Variants in TSHZ2 observed in about 807,000 individuals in gnomAD.
TSHZ2 encodes teashirt homolog 2.
In TSHZ2, 21 loss-of-function variants were observed where a neutral mutation model predicts 74.4. The observed-to-expected ratio is 0.28, with a 90% CI of 0.20 to 0.41. The LOEUF (loss-of-function observed/expected upper bound fraction) is 0.41, where lower values mean the gene tolerates loss of function less well. Ranked by LOEUF, TSHZ2 falls within the 10% of genes least tolerant of loss-of-function variation. The pLI, the probability that TSHZ2 is intolerant of heterozygous loss-of-function variation, is 1.00. For missense variants in TSHZ2, 1,244 were observed against 1,293.5 expected, an observed-to-expected ratio of 0.96 and a Z score of 0.59; for synonymous variants, 540 against 515.3, an observed-to-expected ratio of 1.05 and a Z score of -0.65.
At chr20:53,035,509 A>C (rs563604528) in intron 1 of TSHZ2, among the ~76,000 whole-genome samples, 2 of 152,378 alleles carry the variant, frequency 1.3e-5, no homozygotes, top group African/African-American at 4.8e-5. Flanking sequence ...AGTACACACC[A>C]GATGCAAGAT....
chr20:53,486,958 T>A (rs1986304274), intron 2 of TSHZ2, among the ~76,000 whole-genome samples, 186 bp from the exon 3 acceptor site: 1 of 152,170 alleles, frequency 6.6e-6, no homozygotes, highest in Non-Finnish European at 1.5e-5. Flanking sequence ...TTTAAATAGT[T>A]TTTTTCTCAA....
intron 2 of TSHZ2, among the ~76,000 whole-genome samples, chr20:53,458,796 A>AT (rs1985222164): frequency 6.6e-6 from 1 of 151,832 alleles, no homozygotes. Flanking sequence ...GAACATCTTC[A>AT]TTTCTGCCTT....
chr20:53,461,262 C>T (rs928701153), intron 2 of TSHZ2, among the ~76,000 whole-genome samples: 6 of 152,276 alleles, frequency 3.9e-5, no homozygotes, highest in East Asian at 1.9e-4. Context: ...TTTTTAAGCC[C>T]GTCAGAAAAG....
chr20:53,292,974 A>G lies in TSHZ2; in HGVS notation c.*8+36403A>G, dbSNP rs149787501. Among the ~76,000 whole-genome samples the G allele has an allele frequency of 4.7e-3, 717 of 152,354 alleles. 5 individuals are homozygous for G. The highest frequency in any genetic ancestry group is 8.7e-3 in the Non-Finnish European group (591 of 68,032). On this transcript the variant is annotated intron_variant, in intron 2 of 2. Coordinates refer to ENST00000371497, the MANE Select transcript of TSHZ2 (RefSeq NM_173485.6). ...ATATGGAATAATCAGAGAAGACTCA[A>G]TCTCATCATTGGTCCATTCACAGTC...
At chr20:52,995,874 G>T (rs144453571) in intron 1 of TSHZ2, among the ~76,000 whole-genome samples, 91 of 151,770 alleles carry the variant, frequency 6.0e-4, no homozygotes, top group Non-Finnish European at 1.1e-3. Context: ...CACCCACCTC[G>T]GCCTCCCAAA....
chr20:53,449,665 T>G (rs575905700), intron 2 of TSHZ2, among the ~76,000 whole-genome samples: 2 of 152,202 alleles, frequency 1.3e-5, no homozygotes, highest in Non-Finnish European at 1.5e-5. Flanking sequence ...GACTACCTGT[T>G]CCATCTTCAC....
chr20:53,458,575 T>C (rs1357150210), intron 2 of TSHZ2, among the ~76,000 whole-genome samples: 3 of 152,330 alleles, frequency 2.0e-5, no homozygotes, highest in East Asian at 1.9e-4. Flanking sequence ...AGTTCTGCTC[T>C]GATTTTAGTT....
intron 1 of TSHZ2, among the ~76,000 whole-genome samples, chr20:53,032,708 G>C (rs940324266): frequency 1.3e-5 from 2 of 152,022 alleles, no homozygotes; most frequent in Non-Finnish European, 2.9e-5. Context: ...ATGAGGAGGC[G>C]TAAAGATTTC....
chr20:53,053,648 A>G (rs1984551051), intron 1 of TSHZ2, among the ~76,000 whole-genome samples: 2 of 152,170 alleles, frequency 1.3e-5, no homozygotes, highest in Admixed American at 6.5e-5. Context: ...AGGGAAATCA[A>G]TAGGAGGGAT....
intron 2 of TSHZ2, among the ~76,000 whole-genome samples, chr20:53,463,786 C>A (rs1218335828): frequency 6.6e-6 from 1 of 152,180 alleles, no homozygotes; most frequent in Non-Finnish European, 1.5e-5. Flanking sequence ...TGCTTAGAGG[C>A]GGGAGCCTCA....
At chr20:53,165,666 A>T (rs1330420162) in intron 1 of TSHZ2, among the ~76,000 whole-genome samples, 2 of 152,224 alleles carry the variant, frequency 1.3e-5, no homozygotes, top group African/African-American at 4.8e-5. Flanking sequence ...GTCTTGCCCA[A>T]TTGGGCGACT....
At chr20:53,043,927 A>G (rs2123106373) in intron 1 of TSHZ2, among the ~76,000 whole-genome samples, 1 of 148,954 alleles carries the variant, frequency 6.7e-6, no homozygotes, top group Middle Eastern at 3.4e-3. Flanking sequence ...AGACTCAAAG[A>G]AAAAGCACTG....
chr20:53,140,384 C>A (rs1568778850), intron 1 of TSHZ2, among the ~76,000 whole-genome samples: 1 of 151,202 alleles, frequency 6.6e-6, no homozygotes, highest in Non-Finnish European at 1.5e-5. Flanking sequence ...ACTAAAAATA[C>A]AAAAAATTAG....
chr20:53,003,348 A>G (rs965012563), intron 1 of TSHZ2, among the ~76,000 whole-genome samples: 1 of 151,710 alleles, frequency 6.6e-6, no homozygotes, highest in Non-Finnish European at 1.5e-5. Context: ...AGCGCTGGAC[A>G]GCTCAGGATC....
At chr20:53,311,934 A>G (rs547206699) in intron 2 of TSHZ2, among the ~76,000 whole-genome samples, 40 of 152,232 alleles carry the variant, frequency 2.6e-4, no homozygotes, top group African/African-American at 8.2e-4. Context: ...ATAAAAGATT[A>G]GCTGGGTATG....
intron 1 of TSHZ2, among the ~76,000 whole-genome samples, chr20:53,034,604 T>C (rs1365481808): frequency 1.3e-5 from 2 of 152,026 alleles, no homozygotes; most frequent in Non-Finnish European, 2.9e-5. Context: ...TTACAGGAGG[T>C]AATCAAGAAA....
intron 1 of TSHZ2, among the ~76,000 whole-genome samples, chr20:53,062,654 G>A (rs1984858466): frequency 6.6e-6 from 1 of 152,166 alleles, no homozygotes; most frequent in African/African-American, 2.4e-5. Context: ...GAATGTTGTG[G>A]CTGGTTTGAT....
chr20:53,464,703 A>G (rs1169130466), intron 2 of TSHZ2, among the ~76,000 whole-genome samples: 1 of 152,184 alleles, frequency 6.6e-6, no homozygotes, highest in African/African-American at 2.4e-5. Flanking sequence ...TCCTGGGCTC[A>G]AGAGTCCTCC....
chr20:53,031,203 G>A (rs1010290573), intron 1 of TSHZ2, among the ~76,000 whole-genome samples: 2 of 152,148 alleles, frequency 1.3e-5, no homozygotes, highest in African/African-American at 4.8e-5. Context: ...TGCACATAAA[G>A]GGCTTGCTTA....
Sources: allele counts gnomAD v4.1 joint callset (sites outside exome capture counted in the v4.1 genomes callset), GRCh38; gene constraint gnomAD v4.1.1; transcripts MANE v1.5; gene names NCBI Gene and HGNC (gene_info 2026-07-23, HGNC 2026-07-21).